Variants in WDSUB1 observed in about 807,000 individuals in gnomAD.
The protein encoded by WDSUB1 is WD repeat, sterile alpha motif and U-box domain containing 1.
In WDSUB1, 49 loss-of-function variants were observed where a neutral mutation model predicts 53.9. That is an observed-to-expected ratio of 0.91 (90% CI 0.72 to 1.15). The LOEUF (loss-of-function observed/expected upper bound fraction) is 1.15, where lower values mean the gene tolerates loss of function less well. Among genes scored for constraint, WDSUB1 ranks in the 50% most tolerant of loss-of-function variants. The pLI is 0.00. For synonymous variants in WDSUB1, 194 were observed against 200.6 expected (o/e 0.97, Z 0.28); for missense variants, 514 against 562.0 (o/e 0.91, Z 0.86).
At chr2:159,271,659 T>C in intron 5 of WDSUB1, 43 bp downstream of exon 5, 1 of 1,514,546 alleles carries the variant, frequency 6.6e-7, no homozygotes, top group East Asian at 2.3e-5. Context: ...TCTGTTTGAT[T>C]TCATATAAAA....
At chr2:159,259,775 T>G in intron 6 of WDSUB1, 35 bp downstream of exon 6, 1 of 1,502,904 alleles carries the variant, frequency 6.7e-7, no homozygotes, top group Middle Eastern at 1.7e-4. Flanking sequence ...TAAACATAAC[T>G]TTCATAGATC....
chr2:159,263,318 C>T (rs2061264374), intron 5 of WDSUB1, among the ~76,000 whole-genome samples: 2 of 152,152 alleles, frequency 1.3e-5, no homozygotes, highest in Non-Finnish European at 1.5e-5. Flanking sequence ...ATTTATGTTT[C>T]TTCTCATTTA....
intron 6 of WDSUB1, among the ~76,000 whole-genome samples, chr2:159,258,259 A>G (rs2061113183): frequency 2.6e-5 from 4 of 152,240 alleles, no homozygotes; most frequent in Non-Finnish European, 4.4e-5. Context: ...GCATTTGCTC[A>G]TCTGTTTGAA....
At chr2:159,249,655 A>C (rs765775019) in intron 9 of WDSUB1, among the ~76,000 whole-genome samples, 4 of 152,124 alleles carry the variant, frequency 2.6e-5, no homozygotes, top group Non-Finnish European at 4.4e-5. Flanking sequence ...GACTACTATA[A>C]TGTCTTGCCT....
rs765831675 is a variant in WDSUB1, at chr2:159,283,094, C to T, written c.-24-1G>A. The T allele has an allele frequency of 6.3e-7, 1 of 1,578,924 alleles. No individual in the cohort carries two copies. Among genetic ancestry groups the T allele is most frequent in the Non-Finnish European group, 8.6e-7 (1 of 1,160,188 alleles). ...TGTTCTTTATTTGAAGAAAAACAGCCTGAAATTTTTAAGCAGATAAAGATT... is the reference window on the plus strand; with the variant it reads ...TGTTCTTTATTTGAAGAAAAACAGCTTGAAATTTTTAAGCAGATAAAGATT... On this transcript the variant is annotated splice_acceptor_variant, in intron 1 of 10. Coordinates refer to ENST00000359774, the MANE Select transcript of WDSUB1 (RefSeq NM_001128212.3). LOFTEE classifies it low-confidence loss of function (5UTR_SPLICE).
chr2:159,282,953 T>G lies in WDSUB1; in HGVS notation c.117A>C (p.Leu39Phe), dbSNP rs374639556. The G allele has an allele frequency of 3.7e-6, 6 of 1,614,076 alleles. No homozygotes were observed. Among genetic ancestry groups the G allele is most frequent in the African/African-American group, 1.3e-5 (1 of 74,940 alleles). Residue 39 changes from leucine (L) to phenylalanine (F), a missense_variant, in exon 2 of 11, where the codon TTA (leucine) becomes TTC (phenylalanine). Leu to Phe is a conservative substitution (Grantham distance 22). Transcript: ENST00000359774. Reference protein sequence around the residue: ...SLDKTIRLYSLRDFTELPHSP... With the variant: ...SLDKTIRLYSFRDFTELPHSP... ...AATGTGGCAGTTCAGTAAAGTCACG[T>G]AACGAGTACAGGCGAATTGTTTTGT...
Position 159,256,447 on chromosome 2 carries a change from A to G in WDSUB1, c.953-72T>C, listed in dbSNP as rs1298465041. On this transcript the variant is annotated intron_variant, in intron 8 of 10. Coordinates refer to ENST00000359774, the MANE Select transcript of WDSUB1 (RefSeq NM_001128212.3). ...TTTATAAACATTCTCACTTTGAATT[A>G]AAAGTAAATGAAATTTCCTTAAATC... 1.1e-5 allele frequency: 16 copies of G among 1,469,416 alleles called. No individual in the cohort carries two copies. The East Asian group carries it at 3.5e-4, about 32-fold the overall frequency. 91.0% of individuals were successfully genotyped at this position (1,469,416 alleles called of 1,614,324 possible).
chr2:159,271,799 CAAAT>C lies in WDSUB1; in HGVS notation c.677-8_677-5del. Reference sequence around the variant, plus strand: ...CTTTTATATTTTAATTCAAAACCTGCAAATAACAAGGTAACAGAGATTAGAAAGC... The same window carrying C: ...CTTTTATATTTTAATTCAAAACCTGCAACAAGGTAACAGAGATTAGAAAGC... On this transcript the variant is annotated splice_polypyrimidine_tract_variant and splice_region_variant and intron_variant, in intron 4 of 10. Transcript: ENST00000359774. 1 of 1,611,270 alleles carries C rather than the reference CAAAT, an allele frequency of 6.2e-7. No homozygotes were observed. The highest frequency in any genetic ancestry group is 8.5e-7 in the Non-Finnish European group (1 of 1,177,820).
chr2:159,278,593 C>A (rs1466250169), intron 3 of WDSUB1, among the ~76,000 whole-genome samples: 1 of 152,098 alleles, frequency 6.6e-6, no homozygotes, highest in African/African-American at 2.4e-5. Flanking sequence ...TCAGGAGAGA[C>A]TTATCTTTAG....
chr2:159,237,337 A>G (rs2060508863), intron 10 of WDSUB1, among the ~76,000 whole-genome samples: 1 of 152,154 alleles, frequency 6.6e-6, no homozygotes, highest in African/African-American at 2.4e-5. Context: ...CCTGGCCAAC[A>G]TGGCAAAACC....
At chr2:159,280,380 C>T (rs1231382292) in intron 2 of WDSUB1, among the ~76,000 whole-genome samples, 1 of 152,118 alleles carries the variant, frequency 6.6e-6, no homozygotes, top group Non-Finnish European at 1.5e-5. Flanking sequence ...AAGGTACTTA[C>T]AACGTCTGTA....
At chr2:159,239,178 A>T (rs1469881681) in intron 10 of WDSUB1, among the ~76,000 whole-genome samples, 1 of 152,092 alleles carries the variant, frequency 6.6e-6, no homozygotes, top group African/African-American at 2.4e-5. Flanking sequence ...ATTTTTAAAA[A>T]TTTTTTGTAG....
chr2:159,265,536 T>C (rs1252960878), intron 5 of WDSUB1, among the ~76,000 whole-genome samples: 1 of 151,946 alleles, frequency 6.6e-6, no homozygotes, highest in Non-Finnish European at 1.5e-5. Flanking sequence ...ATGAGATCCC[T>C]GACTCTACAA....
chr2:159,257,434 TG>T (rs1225040509), intron 8 of WDSUB1, among the ~76,000 whole-genome samples: 2 of 151,020 alleles, frequency 1.3e-5, no homozygotes, highest in African/African-American at 4.9e-5. Flanking sequence ...TCGCCCAGGC[TG>T]GAGTGCAATG....
chr2:159,260,019 C>T (rs557079486), intron 5 of WDSUB1, among the ~76,000 whole-genome samples, 176 bp from the exon 6 acceptor site: 13 of 152,230 alleles, frequency 8.5e-5, no homozygotes, highest in Admixed American at 3.9e-4. Context: ...AAAAACTACA[C>T]GTGGCCAGGC....
At chr2:159,270,368 G>A (rs73967295) in intron 5 of WDSUB1, among the ~76,000 whole-genome samples, 2,560 of 152,282 alleles carry the variant, frequency 0.017, 80 homozygotes, top group African/African-American at 0.059. Flanking sequence ...TTGTGTGTGT[G>A]GAGACAGGAA....
chr2:159,265,123 C>CAACAAA (rs1259389112), intron 5 of WDSUB1, among the ~76,000 whole-genome samples: 3 of 146,450 alleles, frequency 2.0e-5, no homozygotes, highest in African/African-American at 7.6e-5. Flanking sequence ...ACAACAACAA[C>CAACAAA]AAAAAAAAAC....
intron 1 of WDSUB1, among the ~76,000 whole-genome samples, chr2:159,284,557 T>C (rs714156): frequency 0.27 from 41,079 of 152,042 alleles, 7,106 homozygotes; most frequent in Admixed American, 0.46. Context: ...AGCTGTCCTA[T>C]CATGGTTTGT....
intron 3 of WDSUB1, among the ~76,000 whole-genome samples, chr2:159,277,869 C>T (rs2061575368): frequency 6.6e-6 from 1 of 151,998 alleles, no homozygotes; most frequent in Admixed American, 6.6e-5. Flanking sequence ...AAAGAAGGCA[C>T]AAAGATTAAA....
Sources: allele counts gnomAD v4.1 joint callset (sites outside exome capture counted in the v4.1 genomes callset), GRCh38; gene constraint gnomAD v4.1.1; transcripts MANE v1.5; gene names NCBI Gene and HGNC (gene_info 2026-07-23, HGNC 2026-07-21).